The following MYO16 variants were observed in gnomAD, a reference collection of about 807,000 sequenced individuals.
MYO16 encodes the protein unconventional myosin-XVI.
In MYO16, 94 loss-of-function variants were observed where a neutral mutation model predicts 205.3. That is an observed-to-expected ratio of 0.46 (90% CI 0.39 to 0.54). The LOEUF (loss-of-function observed/expected upper bound fraction) is 0.54. Among genes scored for constraint, MYO16 ranks in the 20% least tolerant of loss-of-function variants. The pLI is 0.00. For missense variants in MYO16, 2,315 were observed against 2,387.5 expected, an observed-to-expected ratio of 0.97 and a Z score of 0.63; for synonymous variants, 988 against 954.0, an observed-to-expected ratio of 1.04 and a Z score of -0.66.
chr13:109,107,855 CTGTG>C (rs992904453), intron 28 of MYO16, among the ~76,000 whole-genome samples: 1 of 81,270 alleles, frequency 1.2e-5, no homozygotes, highest in African/African-American at 4.3e-5. Flanking sequence ...GTGTGTGTGT[CTGTG>C]TGTGTGTATT....
the MYO16 span, among the ~76,000 whole-genome samples, chr13:108,573,220 G>C: frequency 2.6e-5 from 4 of 152,180 alleles, no homozygotes; most frequent in African/African-American, 9.7e-5. Context: ...ACAAGTGGGA[G>C]GGATGGTTGT....
At chr13:108,991,212 C>G (rs1465610249) in intron 20 of MYO16, among the ~76,000 whole-genome samples, 1 of 152,148 alleles carries the variant, frequency 6.6e-6, no homozygotes, top group African/African-American at 2.4e-5. Context: ...TCCCTGCCTT[C>G]CATGTAACCC....
intron 27 of MYO16, among the ~76,000 whole-genome samples, chr13:109,088,972 G>A (rs1470372103): frequency 2.0e-5 from 3 of 152,080 alleles, no homozygotes; most frequent in East Asian, 1.9e-4. Context: ...ACTGAGTCCC[G>A]TTTCAGATGC....
At chr13:109,070,133 A>G (rs1331599919) in intron 27 of MYO16, among the ~76,000 whole-genome samples, 1 of 152,218 alleles carries the variant, frequency 6.6e-6, no homozygotes, top group Non-Finnish European at 1.5e-5. Flanking sequence ...ATAGTAAAAC[A>G]AGGAACAATT....
chr13:108,789,689 C>A (rs1886559188), intron 5 of MYO16, among the ~76,000 whole-genome samples: 1 of 152,116 alleles, frequency 6.6e-6, no homozygotes, highest in Admixed American at 6.5e-5. Context: ...TACTTCTGTG[C>A]ATCTCTTAGA....
intron 32 of MYO16, among the ~76,000 whole-genome samples, chr13:109,163,002 A>G (rs1878458150): frequency 6.6e-6 from 1 of 152,184 alleles, no homozygotes; most frequent in South Asian, 2.1e-4. Context: ...AACTTGACTG[A>G]AGGTCTTTGT....
At chr13:109,064,413 G>A (rs1887680607) in intron 27 of MYO16, among the ~76,000 whole-genome samples, 1 of 152,076 alleles carries the variant, frequency 6.6e-6, no homozygotes, top group African/African-American at 2.4e-5. Flanking sequence ...CTCTAATGTT[G>A]GTCTCATTCT....
chr13:108,528,308 C>T, the MYO16 span, among the ~76,000 whole-genome samples: 1 of 152,012 alleles, frequency 6.6e-6, no homozygotes, highest in Non-Finnish European at 1.5e-5. Context: ...AACAGTTTAC[C>T]TTTTGGCCAG....
chr13:108,788,280 C>T (rs1028403992), intron 5 of MYO16, among the ~76,000 whole-genome samples: 1 of 152,020 alleles, frequency 6.6e-6, no homozygotes, highest in Admixed American at 6.6e-5. Flanking sequence ...ACTGTAAACT[C>T]GGGGACAGCA....
intron 1 of MYO16, 80 bp downstream of exon 1, chr13:108,629,952 A>C: frequency 1.5e-6 from 2 of 1,301,956 alleles, no homozygotes; most frequent in Non-Finnish European, 2.1e-6. Context: ...AAATTAAGGC[A>C]GTTCTCCTGG....
chr13:108,524,365 C>G, the MYO16 span, among the ~76,000 whole-genome samples: 2 of 152,094 alleles, frequency 1.3e-5, no homozygotes, highest in South Asian at 2.1e-4. Flanking sequence ...CTTCCCCTGA[C>G]TCTCTCCCTC....
intron 3 of MYO16, among the ~76,000 whole-genome samples, chr13:108,724,834 AT>A (rs1884285473): frequency 6.6e-6 from 1 of 152,118 alleles, no homozygotes; most frequent in Admixed American, 6.6e-5. Context: ...TGTATAGATT[AT>A]AAGCCTTATA....
chr13:108,572,820 T>C, the MYO16 span, among the ~76,000 whole-genome samples: 1 of 152,166 alleles, frequency 6.6e-6, no homozygotes, highest in Non-Finnish European at 1.5e-5. Flanking sequence ...AGCATGTTAA[T>C]AGTGGTTTTG....
Position 109,019,699 on chromosome 13 carries a change from C to A in MYO16, c.2596-12C>A. 6.2e-7 allele frequency: 1 copy of A among 1,607,682 alleles called. No individual in the cohort carries two copies. The highest frequency in any genetic ancestry group is 2.2e-5 in the East Asian group (1 of 44,820). ...TAGACAAAACAACTCCCCATCTCTT[C>A]TTAACTCTCAGAAGCCATCTGGATT... On this transcript the variant is annotated splice_polypyrimidine_tract_variant and intron_variant, in intron 22 of 34. Transcript: ENST00000457511.
intron 9 of MYO16, among the ~76,000 whole-genome samples, chr13:108,828,467 G>T (rs941813313): frequency 1.3e-5 from 2 of 152,030 alleles, no homozygotes; most frequent in African/African-American, 4.8e-5. Flanking sequence ...CAAAATGTGG[G>T]TGTTGTTTTG....
intron 1 of MYO16, among the ~76,000 whole-genome samples, chr13:108,621,194 G>T (rs578192424): frequency 6.6e-6 from 1 of 152,028 alleles, no homozygotes. Context: ...TTCTAGTGTA[G>T]TCTCTGTAAT....
In MYO16 at chr13:108,874,696, C is replaced by T. The variant is rs3895295; in HGVS notation, c.1426-8363C>T. ...CAGAGGCAGACAGTTTCATCATCAT[C>T]ATTATTATTATTATTATTATTATTA... On this transcript the variant is annotated intron_variant, in intron 12 of 34. Coordinates refer to ENST00000457511, the MANE Select transcript of MYO16 (RefSeq NM_001198950.3). Among the ~76,000 whole-genome samples, 301 of 106,826 alleles carry T rather than the reference C, an allele frequency of 2.8e-3. 2 individuals are homozygous for T. Among genetic ancestry groups the T allele is most frequent in the Middle Eastern group, 0.027 (4 of 150 alleles). The allele number at this position is 106,826 out of a possible 152,430, so 70.1% of individuals were successfully genotyped here.
chr13:109,168,680 G>A (rs1389658314), intron 33 of MYO16, among the ~76,000 whole-genome samples: 1 of 152,070 alleles, frequency 6.6e-6, no homozygotes, highest in African/African-American at 2.4e-5. Context: ...AGCCCTGATC[G>A]CGCCACTGCA....
chr13:108,725,838 T>G (rs747366785), intron 3 of MYO16, among the ~76,000 whole-genome samples: 3 of 152,226 alleles, frequency 2.0e-5, no homozygotes, highest in Non-Finnish European at 4.4e-5. Context: ...CCAGCCCTGG[T>G]CAAGCCAGGT....
Sources: allele counts gnomAD v4.1 joint callset (sites outside exome capture counted in the v4.1 genomes callset), GRCh38; gene constraint gnomAD v4.1.1; transcripts MANE v1.5; gene names NCBI Gene and HGNC (gene_info 2026-07-23, HGNC 2026-07-21).